Variants in CSMD1 observed in about 807,000 individuals in gnomAD.
CSMD1 encodes the protein CUB and Sushi multiple domains 1.
In CSMD1, 213 loss-of-function variants were observed where a neutral mutation model predicts 417.5. The ratio of observed to expected loss-of-function variants is 0.51; its 90% confidence interval spans 0.46 to 0.57. The LOEUF (loss-of-function observed/expected upper bound fraction) is 0.57, where lower values mean the gene tolerates loss of function less well. CSMD1 is among the 20% of genes least tolerant of loss of function. CSMD1 has a pLI of 0.00. For synonymous variants in CSMD1, 2,862 were observed against 1,736.8 expected (o/e 1.65, Z -16.11); for missense variants, 6,923 against 4,529.7 (o/e 1.53, Z -15.17).
At chr8:4,482,840 C>T (rs1043954853) in intron 2 of CSMD1, among the ~76,000 whole-genome samples, 4 of 152,072 alleles carry the variant, frequency 2.6e-5, no homozygotes, top group African/African-American at 7.2e-5. Flanking sequence ...AATACTAAAA[C>T]TCTTAATTTG....
chr8:4,685,129 C>T (rs998215887), intron 1 of CSMD1, among the ~76,000 whole-genome samples: 8 of 152,078 alleles, frequency 5.3e-5, no homozygotes, highest in African/African-American at 1.9e-4. Flanking sequence ...CTCATAAAGG[C>T]AATGGAAATA....
chr8:4,161,641 T>C (rs1288967209), intron 3 of CSMD1, among the ~76,000 whole-genome samples: 4 of 152,192 alleles, frequency 2.6e-5, no homozygotes, highest in Admixed American at 1.3e-4. Flanking sequence ...AAGTTTAATG[T>C]GTTCTTCCAA....
intron 52 of CSMD1, among the ~76,000 whole-genome samples, chr8:3,014,443 A>C (rs1392202705): frequency 6.6e-6 from 1 of 152,176 alleles, no homozygotes; most frequent in Non-Finnish European, 1.5e-5. Flanking sequence ...ATCACACTGG[A>C]TATGAGTTTC....
At position 4,624,306 on chromosome 8, in the gene CSMD1, T is replaced by C. The variant is rs143765225; in HGVS notation, c.302+13036A>G. On this transcript the variant is annotated intron_variant, in intron 2 of 69. Coordinates refer to ENST00000635120, the MANE Select transcript of CSMD1 (RefSeq NM_033225.6). ...AGTAGGGAAAGGGTTAGCTAGTCTA[T>C]TGCAGAAGAATTCTTCGAGCTCTTG... Among the ~76,000 whole-genome samples, 563 of 152,284 alleles carry C rather than the reference T, an allele frequency of 3.7e-3. 4 individuals are homozygous for C. Among genetic ancestry groups the C allele is most frequent in the Non-Finnish European group, 5.9e-3 (404 of 68,010 alleles).
At chr8:4,560,714 C>A (rs1336627372) in intron 2 of CSMD1, among the ~76,000 whole-genome samples, 3 of 152,204 alleles carry the variant, frequency 2.0e-5, no homozygotes, top group Non-Finnish European at 4.4e-5. Flanking sequence ...GTCGACAACA[C>A]TGTGGTTTGA....
intron 12 of CSMD1, among the ~76,000 whole-genome samples, chr8:3,447,333 T>A (rs1585177887): frequency 7.6e-6 from 1 of 132,392 alleles, no homozygotes; most frequent in African/African-American, 3.3e-5. Flanking sequence ...GCAGTGGAGA[T>A]CAGTAACTGA....
chr8:4,732,934 G>C (rs574405166), intron 1 of CSMD1, among the ~76,000 whole-genome samples: 114 of 152,186 alleles, frequency 7.5e-4, no homozygotes, highest in African/African-American at 2.6e-3. Flanking sequence ...TCGGGAGGCA[G>C]CAAGGGCGGA....
At chr8:3,697,781 G>C (rs537127939) in intron 7 of CSMD1, among the ~76,000 whole-genome samples, 18 of 152,184 alleles carry the variant, frequency 1.2e-4, no homozygotes, top group Non-Finnish European at 1.9e-4. Context: ...CTTCTAAAAA[G>C]TAGTGATGGA....
At chr8:3,955,130 C>G (rs771858532) in intron 5 of CSMD1, among the ~76,000 whole-genome samples, 4 of 152,114 alleles carry the variant, frequency 2.6e-5, no homozygotes, top group Non-Finnish European at 5.9e-5. Context: ...TCATACCTAA[C>G]TACCGGTAAC....
chr8:3,258,435 G>A (rs949612985), intron 26 of CSMD1, among the ~76,000 whole-genome samples: 6 of 152,026 alleles, frequency 3.9e-5, no homozygotes, highest in East Asian at 1.9e-4. Flanking sequence ...CTGAAAAACC[G>A]AGATATAAAA....
intron 2 of CSMD1, among the ~76,000 whole-genome samples, chr8:4,606,703 G>C (rs1474232946): frequency 1.3e-5 from 2 of 152,128 alleles, no homozygotes; most frequent in Non-Finnish European, 2.9e-5. Context: ...TTGTATTATT[G>C]ATCTATCCTC....
intron 69 of CSMD1, among the ~76,000 whole-genome samples, chr8:2,940,984 G>A (rs60385188): frequency 0.038 from 5,763 of 152,278 alleles, 219 homozygotes; most frequent in African/African-American, 0.094. Context: ...AAGCTCATCT[G>A]ATCATGGCAT....
At chr8:4,304,582 A>G (rs1278661290) in intron 3 of CSMD1, among the ~76,000 whole-genome samples, 1 of 152,082 alleles carries the variant, frequency 6.6e-6, no homozygotes, top group Non-Finnish European at 1.5e-5. Flanking sequence ...AATTGCTTTG[A>G]AATGTCAAAT....
At chr8:3,886,017 A>G (rs958180591) in intron 5 of CSMD1, among the ~76,000 whole-genome samples, 2 of 151,948 alleles carry the variant, frequency 1.3e-5, no homozygotes, top group Non-Finnish European at 2.9e-5. Context: ...ATATGTGTAC[A>G]TATATATACA....
At chr8:4,470,430 T>C (rs1303260787) in intron 2 of CSMD1, among the ~76,000 whole-genome samples, 6 of 152,244 alleles carry the variant, frequency 3.9e-5, no homozygotes, top group African/African-American at 1.2e-4. Context: ...ACAGAAGTGA[T>C]AGTGCTGCTA....
At chr8:4,742,370 G>A (rs1010677553) in intron 1 of CSMD1, among the ~76,000 whole-genome samples, 1 of 151,892 alleles carries the variant, frequency 6.6e-6, no homozygotes, top group Non-Finnish European at 1.5e-5. Flanking sequence ...GCCACCGACT[G>A]TATCATGAGA....
chr8:3,965,129 G>T (rs1585044629), intron 5 of CSMD1, among the ~76,000 whole-genome samples: 1 of 152,140 alleles, frequency 6.6e-6, no homozygotes, highest in Non-Finnish European at 1.5e-5. Flanking sequence ...TATTGTAATT[G>T]TGTTATTAAT....
At chr8:3,096,706 A>G in intron 47 of CSMD1, 143 bp downstream of exon 47, 2 of 623,054 alleles carry the variant, frequency 3.2e-6, no homozygotes, top group South Asian at 2.1e-5. Context: ...GCATAACCCC[A>G]AACTAGTTTA....
chr8:4,761,290 A>G (rs147488086), intron 1 of CSMD1, among the ~76,000 whole-genome samples: 110 of 152,262 alleles, frequency 7.2e-4, no homozygotes, highest in African/African-American at 2.4e-3. Context: ...TGTAAAATGC[A>G]CAAGGGATTT....
Sources: gnomAD v4.1 joint callset for allele counts (sites outside exome capture counted in the v4.1 genomes callset) on GRCh38, gnomAD v4.1.1 for gene constraint, MANE v1.5 for transcripts, NCBI Gene and HGNC (gene_info 2026-07-23, HGNC 2026-07-21) for gene names.